The following PRKG1 variants were observed in gnomAD, a reference collection of about 807,000 sequenced individuals.
The protein encoded by PRKG1 is protein kinase cGMP-dependent 1.
In PRKG1, 35 loss-of-function variants were observed where a neutral mutation model predicts 88.1. The ratio of observed to expected loss-of-function variants is 0.40; its 90% CI spans 0.30 to 0.53. The LOEUF (loss-of-function observed/expected upper bound fraction) is 0.53. Among genes scored for constraint, PRKG1 ranks in the 20% least tolerant of loss-of-function variants. The pLI, the probability that PRKG1 is intolerant of heterozygous loss-of-function variation, is 0.59. For missense variants in PRKG1, 540 were observed against 839.8 expected (o/e 0.64, Z 4.41); for synonymous variants, 303 against 292.5 (o/e 1.04, Z -0.37).
Position 52,069,609 on chromosome 10 carries a change from A to G in PRKG1, c.935+6978A>G, listed in dbSNP as rs140631279. Among the ~76,000 whole-genome samples the G allele has an allele frequency of 7.9e-3, 1,203 of 152,300 alleles. 11 individuals are homozygous for G. The highest frequency in any genetic ancestry group is 0.013 in the Non-Finnish European group (856 of 68,018). On this transcript the variant is annotated intron_variant, in intron 7 of 17. Transcript: ENST00000373980. ...TGGATATGGATTTTAATATTTTTCC[A>G]TATTTGAATTTGATTATTATTTATT...
intron 2 of PRKG1, among the ~76,000 whole-genome samples, chr10:51,395,627 G>T (rs1411261879): frequency 6.6e-6 from 1 of 152,144 alleles, no homozygotes; most frequent in Non-Finnish European, 1.5e-5. Flanking sequence ...AGATAAAATT[G>T]ATCAAATAAG....
At chr10:51,503,405 A>G (rs1841094314) in intron 3 of PRKG1, among the ~76,000 whole-genome samples, 1 of 152,170 alleles carries the variant, frequency 6.6e-6, no homozygotes, top group South Asian at 2.1e-4. Context: ...CCCATTGAAG[A>G]GCATTGTTTG....
intron 3 of PRKG1, among the ~76,000 whole-genome samples, chr10:51,511,967 T>C (rs1312975089): frequency 1.3e-5 from 2 of 152,190 alleles, no homozygotes; most frequent in Admixed American, 6.5e-5. Context: ...CAAATTGCTA[T>C]GCATGACAAC....
chr10:51,436,347 T>G (rs1234520465), intron 2 of PRKG1, among the ~76,000 whole-genome samples: 1 of 151,942 alleles, frequency 6.6e-6, no homozygotes, highest in Non-Finnish European at 1.5e-5. Flanking sequence ...GACATAGACG[T>G]CTCCCAATTA....
chr10:52,053,892 G>A (rs556750212), intron 5 of PRKG1, among the ~76,000 whole-genome samples: 46 of 152,122 alleles, frequency 3.0e-4, no homozygotes, highest in African/African-American at 1.0e-3. Flanking sequence ...AAGTAACTAG[G>A]GTCGTCTAAC....
At chr10:51,801,874 T>C (rs1318743700) in intron 3 of PRKG1, among the ~76,000 whole-genome samples, 2 of 152,252 alleles carry the variant, frequency 1.3e-5, no homozygotes. Context: ...GAAAATGATA[T>C]ACGTTTCAGC....
At chr10:51,297,589 C>T (rs1164776405) in intron 2 of PRKG1, among the ~76,000 whole-genome samples, 1 of 151,970 alleles carries the variant, frequency 6.6e-6, no homozygotes, top group African/African-American at 2.4e-5. Context: ...GGGGAGAAAG[C>T]AAAAGCAAAT....
intron 3 of PRKG1, among the ~76,000 whole-genome samples, chr10:51,673,089 G>T (rs145768057): frequency 6.6e-6 from 1 of 152,086 alleles, no homozygotes; most frequent in Non-Finnish European, 1.5e-5. Flanking sequence ...GTCAGTCCAT[G>T]TTTACTACTC....
At chr10:52,079,822 A>C (rs1455035226) in intron 7 of PRKG1, among the ~76,000 whole-genome samples, 1 of 152,192 alleles carries the variant, frequency 6.6e-6, no homozygotes, top group Non-Finnish European at 1.5e-5. Context: ...ATTATTGAGA[A>C]ATATTTTTCA....
chr10:52,194,181 C>T (rs1400607172), intron 9 of PRKG1, among the ~76,000 whole-genome samples: 1 of 152,072 alleles, frequency 6.6e-6, no homozygotes, highest in African/African-American at 2.4e-5. Flanking sequence ...TAGTTCTTAA[C>T]AGAAATTGCT....
rs542389318 is a variant in PRKG1 at position 51,719,739 on chromosome 10, TG to T, written c.593-84841del. 9.8e-5 allele frequency among the ~76,000 whole-genome samples: 15 copies of T among 152,318 alleles called. 1 individual carries two copies. The East Asian group carries it at 2.9e-3, about 29-fold the overall frequency. Reference sequence around the variant, plus strand: ...TGTATGATGGTAACATTGGGAAAGCTGGGGGACAGGAATACAGGAACTCTCT... The same window carrying T: ...TGTATGATGGTAACATTGGGAAAGCTGGGGACAGGAATACAGGAACTCTCT... On this transcript the variant is annotated intron_variant, in intron 3 of 17. Coordinates refer to ENST00000373980, the MANE Select transcript of PRKG1 (RefSeq NM_006258.4).
chr10:52,241,797 T>C (rs1056070569), intron 9 of PRKG1, among the ~76,000 whole-genome samples: 4 of 152,196 alleles, frequency 2.6e-5, no homozygotes, highest in African/African-American at 9.6e-5. Context: ...ATATTTCGAC[T>C]GATCCCTTTG....
intron 3 of PRKG1, among the ~76,000 whole-genome samples, chr10:51,637,898 A>G (rs942012846): frequency 1.3e-5 from 2 of 152,210 alleles, no homozygotes; most frequent in African/African-American, 4.8e-5. Context: ...AAACCTGCAC[A>G]TCCTGCATGT....
chr10:51,022,210 ACTGTGTTGAT>A (rs1027555538), intron 1 of PRKG1, among the ~76,000 whole-genome samples: 1 of 152,012 alleles, frequency 6.6e-6, no homozygotes, highest in African/African-American at 2.4e-5. Flanking sequence ...CAGTAATCAG[ACTGTGTTGAT>A]CATCACTGAG....
In PRKG1 at chr10:51,645,826, GA is replaced by G. The variant is rs557916171; in HGVS notation, c.593-158752del. On this transcript the variant is annotated intron_variant, in intron 3 of 17. Transcript: ENST00000373980. ...AGCTTTTTGTACAATTAAAGGCTCA[GA>G]AAAAAATGTATGCTGAAGAAGAGTT... Among the ~76,000 whole-genome samples the G allele has an allele frequency of 2.2e-3, 328 of 152,148 alleles. 1 individual carries two copies. Among genetic ancestry groups the G allele is most frequent in the Non-Finnish European group, 3.8e-3 (257 of 67,966 alleles).
At chr10:51,047,508 A>G (rs972514315) in intron 1 of PRKG1, among the ~76,000 whole-genome samples, 9 of 152,052 alleles carry the variant, frequency 5.9e-5, no homozygotes, top group Non-Finnish European at 1.3e-4. Context: ...GATCCATGAG[A>G]TAAATTGAGC....
intron 2 of PRKG1, among the ~76,000 whole-genome samples, chr10:51,163,942 T>C (rs1348945781): frequency 6.6e-6 from 1 of 152,200 alleles, no homozygotes; most frequent in Non-Finnish European, 1.5e-5. Flanking sequence ...CCTGCCTGCC[T>C]CTGTAGGCTC....
chr10:51,302,785 G>A (rs1840927245), intron 2 of PRKG1: 1 of 152,014 alleles, frequency 6.6e-6, no homozygotes, highest in South Asian at 2.1e-4. Flanking sequence ...AAAAGATTAT[G>A]GAGCATATGC....
At chr10:52,239,827 T>C (rs868313004) in intron 9 of PRKG1, among the ~76,000 whole-genome samples, 2 of 152,176 alleles carry the variant, frequency 1.3e-5, no homozygotes, top group Non-Finnish European at 2.9e-5. Context: ...AATAATTTTG[T>C]ATACATATAG....
Sources: gnomAD v4.1 joint callset for allele counts (sites outside exome capture counted in the v4.1 genomes callset) on GRCh38, gnomAD v4.1.1 for gene constraint, MANE v1.5 for transcripts, NCBI Gene and HGNC (gene_info 2026-07-23, HGNC 2026-07-21) for gene names.